The following PRDM16 variants were observed in gnomAD, a reference collection of about 807,000 sequenced individuals.
PRDM16 encodes the protein histone-lysine N-methyltransferase PRDM16.
Under a neutral mutation model 110.6 loss-of-function variants are expected in PRDM16, and 23 were observed. That is an observed-to-expected ratio of 0.21 (90% confidence interval 0.15 to 0.29). PRDM16 has a LOEUF of 0.29. PRDM16 is among the 10% of genes least tolerant of loss of function. The pLI is 1.00. For missense variants in PRDM16, 1,615 were observed against 1,794.3 expected (o/e 0.90, Z 1.81); for synonymous variants, 799 against 781.8 (o/e 1.02, Z -0.37).
intron 12 of PRDM16, among the ~76,000 whole-genome samples, chr1:3,422,320 C>T (rs1207551752): frequency 6.6e-6 from 1 of 151,218 alleles, no homozygotes; most frequent in Non-Finnish European, 1.5e-5. Flanking sequence ...GACAGACAAG[C>T]AGATGGACAG....
chr1:3,404,674 TGG>T (rs1275500421), intron 6 of PRDM16, 63 bp from the exon 7 acceptor site: 1 of 1,597,296 alleles, frequency 6.3e-7, no homozygotes, highest in Non-Finnish European at 8.5e-7. Flanking sequence ...GCTGTATGGT[TGG>T]GGTCCCCTCC....
At chr1:3,181,821 C>A (rs1054069615) in intron 1 of PRDM16, among the ~76,000 whole-genome samples, 2 of 75,830 alleles carry the variant, frequency 2.6e-5, no homozygotes, top group African/African-American at 4.4e-5. Flanking sequence ...CTTACACATG[C>A]GGTCTTACAC....
Position 3,411,563 on chromosome 1 carries a change from A to G in PRDM16, c.1366A>G (p.Ile456Val), listed in dbSNP as rs748673433. Residue 456 changes from isoleucine to valine, a missense_variant, in exon 9 of 17, where the codon ATC becomes GTC. Physicochemically the swap from Ile to Val is conservative, Grantham distance 29. Around this residue, in one of 5 missense-constraint regions of PRDM16, gnomAD observed 772 missense variants for 748.3 expected, o/e 1.03. Coordinates refer to ENST00000270722, the MANE Select transcript of PRDM16 (RefSeq NM_022114.4). Reference protein sequence around the residue: ...EGKNHYTPGGIFAPGLPLTPS... With the variant: ...EGKNHYTPGGVFAPGLPLTPS... ...CAAGAACCATTACACGCCGGGCGGC[A>G]TCTTTGCCCCGGGCCTGCCCTTGAC... 5 of 1,614,096 alleles carry G rather than the reference A, an allele frequency of 3.1e-6. No homozygotes were observed. In the East Asian group the frequency reaches 6.7e-5, roughly 22 times the overall value.
rs773298058 is a variant in PRDM16, at chr1:3,425,740, G to A, written c.3099G>A (p.Glu1033=). The change falls in exon 13 of 17, where the codon GAG becomes GAA. Residue 1033 remains glutamate (E), a synonymous_variant. Transcript: ENST00000270722. This position sits in a 1 kb window ranked among gnomAD's most constrained non-coding sequence, Gnocchi z 6.9. ...LDRHLKKHEH[E]NAPVSQHPGV... ...GGCACCTCAAGAAGCACGAGCACGA[G>A]AACGCACCAGGTGGGCCACGCGGGG... 2 of 1,613,490 alleles carry A rather than the reference G, an allele frequency of 1.2e-6. No individual in the cohort carries two copies. The highest frequency in any genetic ancestry group is 1.3e-5 in the African/African-American group (1 of 74,928).
At chr1:3,321,290 A>G (rs1176632962) in intron 3 of PRDM16, among the ~76,000 whole-genome samples, 2 of 152,072 alleles carry the variant, frequency 1.3e-5, no homozygotes, top group Non-Finnish European at 2.9e-5. Context: ...GTGTGGCAGT[A>G]CACATATGTG....
chr1:3,353,299 C>T lies in PRDM16; in HGVS notation c.439-31853C>T, dbSNP rs1570121732. On this transcript the variant is annotated intron_variant, in intron 3 of 16. Transcript: ENST00000270722. The surrounding 1 kb of genome is among the most constrained non-coding windows in gnomAD (Gnocchi z 5.4). The stretch of plus-strand genomic sequence containing the variant: ...CATGGGCAGGCCCATTTCTCACCTG[C>T]AGCCTGGGTCCCTGCAGAAACCTGG... Among the ~76,000 whole-genome samples the T allele has an allele frequency of 6.6e-6, 1 of 152,356 alleles. No homozygotes were observed. The highest frequency in any genetic ancestry group is 3.4e-3 in the Middle Eastern group (1 of 294).
chr1:3,261,325 A>G (rs1279883433), intron 3 of PRDM16, among the ~76,000 whole-genome samples: 1 of 152,096 alleles, frequency 6.6e-6, no homozygotes, highest in Non-Finnish European at 1.5e-5. Flanking sequence ...AGTCGGGTCA[A>G]AATATTTTTG....
At chr1:3,136,462 G>A (rs1239709024) in intron 1 of PRDM16, among the ~76,000 whole-genome samples, 3 of 152,198 alleles carry the variant, frequency 2.0e-5, no homozygotes, top group East Asian at 1.9e-4. Flanking sequence ...AGGGCTTCCC[G>A]TGTCACAGTG....
chr1:3,269,841 G>A (rs1392690991), intron 3 of PRDM16, among the ~76,000 whole-genome samples: 9,697 of 98,522 alleles, frequency 0.098, 2,662 homozygotes, highest in African/African-American at 0.38. Flanking sequence ...AGTCCCAGAG[G>A]ATGAAAGTCC....
intron 2 of PRDM16, among the ~76,000 whole-genome samples, chr1:3,231,643 C>T (rs967084674): frequency 1.3e-5 from 2 of 152,240 alleles, no homozygotes; most frequent in Non-Finnish European, 2.9e-5. Flanking sequence ...AGGAACATTC[C>T]GTGTTGGTCA....
chr1:3,236,439 C>A (rs1419284049), intron 2 of PRDM16, among the ~76,000 whole-genome samples: 1 of 152,208 alleles, frequency 6.6e-6, no homozygotes, highest in Non-Finnish European at 1.5e-5. Context: ...GTCTGACCAC[C>A]GCATTGGCAA....
At chr1:3,405,799 C>T (rs1348881409) in intron 8 of PRDM16, 151 bp downstream of exon 8, 3 of 738,790 alleles carry the variant, frequency 4.1e-6, no homozygotes, top group Non-Finnish European at 6.2e-6. Flanking sequence ...ACATCTCTGC[C>T]GCGTGCAGCC....
At chr1:3,295,512 A>AATGCAGGTGTGCAGGTAGCC (rs1641068044) in intron 3 of PRDM16, among the ~76,000 whole-genome samples, 1 of 152,092 alleles carries the variant, frequency 6.6e-6, no homozygotes, top group Non-Finnish European at 1.5e-5. Context: ...AGTGTCCTTC[A>AATGCAGGTGTGCAGGTAGCC]ATGCAGGTGT....
chr1:3,328,418 G>A (rs1378709534), intron 3 of PRDM16, among the ~76,000 whole-genome samples: 1 of 152,202 alleles, frequency 6.6e-6, no homozygotes, highest in Non-Finnish European at 1.5e-5. Context: ...GGCCCTGCCT[G>A]TGTCAGCCTT....
At chr1:3,092,085 A>G (rs1642289860) in intron 1 of PRDM16, among the ~76,000 whole-genome samples, 1 of 151,574 alleles carries the variant, frequency 6.6e-6, no homozygotes, top group Admixed American at 6.6e-5. Flanking sequence ...GGATCGCAGG[A>G]TGCTCCCTGG....
At chr1:3,079,612 A>C (rs966151435) in intron 1 of PRDM16, among the ~76,000 whole-genome samples, 3 of 152,240 alleles carry the variant, frequency 2.0e-5, no homozygotes, top group Non-Finnish European at 4.4e-5. Flanking sequence ...AATCACCCGC[A>C]GGCTCTTATT....
intron 2 of PRDM16, among the ~76,000 whole-genome samples, chr1:3,227,600 A>G (rs1639316950): frequency 6.6e-6 from 1 of 152,146 alleles, no homozygotes; most frequent in Non-Finnish European, 1.5e-5. Context: ...GGGAATCAGG[A>G]CCCGTGGGCC....
At chr1:3,334,983 G>A (rs1642114997) in intron 3 of PRDM16, among the ~76,000 whole-genome samples, 1 of 152,204 alleles carries the variant, frequency 6.6e-6, no homozygotes, top group Non-Finnish European at 1.5e-5. Flanking sequence ...GCAGCAACAT[G>A]ACCCCATAGG....
At chr1:3,294,576 T>TC (rs1641045307) in intron 3 of PRDM16, among the ~76,000 whole-genome samples, 1 of 151,258 alleles carries the variant, frequency 6.6e-6, no homozygotes, top group Non-Finnish European at 1.5e-5. Flanking sequence ...CCCTTCCTCC[T>TC]CCCCCCAGGA....
Sources: gnomAD v4.1 joint callset for allele counts (sites outside exome capture counted in the v4.1 genomes callset) on GRCh38, gnomAD v4.1.1 for gene constraint, gnomAD v4.1.1 regional missense constraint, Gnocchi (gnomAD v3.1) non-coding constraint, MANE v1.5 for transcripts, NCBI Gene and HGNC (gene_info 2026-07-23, HGNC 2026-07-21) for gene names.